The following RRAGC variants were observed in gnomAD, a reference collection of about 807,000 sequenced individuals.
RRAGC encodes the protein Ras related GTP binding C.
A neutral mutation model predicts 37.1 loss-of-function variants in RRAGC; 8 were observed. The ratio of observed to expected loss-of-function variants is 0.22; its 90% CI spans 0.13 to 0.39. RRAGC has a LOEUF of 0.39. Ranked by LOEUF, RRAGC falls within the 10% of genes least tolerant of loss-of-function variation. The pLI is 1.00. For synonymous variants in RRAGC, 190 were observed against 181.1 expected, an observed-to-expected ratio of 1.05 and a Z score of -0.39; for missense variants, 342 against 497.6, an observed-to-expected ratio of 0.69 and a Z score of 2.98.
At position 38,851,596 on chromosome 1, in the gene RRAGC, G is replaced by T. The variant is rs746683580; in HGVS notation, c.899+19C>A. ...TTTCCGCCTGTCTGAGATATTGCAG[G>T]AATATATACATAACTTACCCATATA... On this transcript the variant is annotated intron_variant, in intron 5 of 6. Coordinates refer to ENST00000373001, the MANE Select transcript of RRAGC (RefSeq NM_022157.4). 1 of 1,476,888 alleles carries T rather than the reference G, an allele frequency of 6.8e-7. No homozygotes were observed. Among genetic ancestry groups the T allele is most frequent in the South Asian group, 1.4e-5 (1 of 69,838 alleles). 91.5% of individuals were successfully genotyped at this position (1,476,888 alleles called of 1,614,324 possible). A position where few individuals can be genotyped will look rare whatever the true frequency, so the allele number is the denominator to read the frequency against.
chr1:38,850,008 C>A (rs1233371737), intron 5 of RRAGC, among the ~76,000 whole-genome samples: 1 of 145,880 alleles, frequency 6.9e-6, no homozygotes, highest in Non-Finnish European at 1.5e-5. Context: ...AGTTCGAGAC[C>A]AGCCTGGCCA....
intron 6 of RRAGC, among the ~76,000 whole-genome samples, chr1:38,842,291 TA>T (rs755374022): frequency 6.6e-6 from 1 of 151,308 alleles, no homozygotes; most frequent in South Asian, 2.1e-4. Context: ...AATAAACAAA[TA>T]AACTAACATA....
At chr1:38,853,121 G>A (rs923092883) in intron 3 of RRAGC, among the ~76,000 whole-genome samples, 4 of 152,198 alleles carry the variant, frequency 2.6e-5, no homozygotes, top group African/African-American at 9.6e-5. Flanking sequence ...CCTGAACAGT[G>A]CTCATAAGTA....
chr1:38,855,991 C>A, intron 2 of RRAGC, 84 bp from the exon 3 acceptor site: 3 of 864,684 alleles, frequency 3.5e-6, no homozygotes, highest in South Asian at 3.3e-5. Flanking sequence ...CCTCTTTCCC[C>A]AACCACAGAA....
chr1:38,839,798 T>C, intron 6 of RRAGC, 94 bp from the exon 7 acceptor site: 2 of 1,259,332 alleles, frequency 1.6e-6, no homozygotes, highest in South Asian at 1.4e-5. Flanking sequence ...GGATAAACAC[T>C]GGTTGGAAAT....
In RRAGC at chr1:38,843,333, A is replaced by AT. The variant is rs1329123952; in HGVS notation, c.1048+2605dup. On this transcript the variant is annotated intron_variant, in intron 6 of 6. Transcript: ENST00000373001. Reference sequence around the variant, plus strand: ...TTCTGTCTCTTAAAAAAAAAAAAAGATTTTAACTGTATTTGTCATTTTAGT... The same window carrying AT: ...TTCTGTCTCTTAAAAAAAAAAAAAGATTTTTAACTGTATTTGTCATTTTAGT... 2.0e-5 allele frequency among the ~76,000 whole-genome samples: 3 copies of AT among 151,934 alleles called. No individual in the cohort carries two copies. The South Asian group carries it at 6.2e-4, about 32-fold the overall frequency.
intron 2 of RRAGC, chr1:38,856,661 T>G (rs1642171131): frequency 2.3e-6 from 1 of 437,534 alleles, no homozygotes; most frequent in Non-Finnish European, 4.0e-6. Flanking sequence ...CAACTAGGAC[T>G]CAAGGATGTA....
chr1:38,849,666 C>T (rs148433548), intron 5 of RRAGC, among the ~76,000 whole-genome samples: 3,733 of 151,664 alleles, frequency 0.025, 161 homozygotes, highest in African/African-American at 0.085. Flanking sequence ...CCAGCCTGGG[C>T]GACAAGAGTG....
In RRAGC at chr1:38,839,649, C is replaced by T. The variant is rs368045628; in HGVS notation, c.1104G>A (p.Glu368=). 46 of 1,614,064 alleles carry T rather than the reference C, an allele frequency of 2.8e-5. No individual in the cohort carries two copies. The African/African-American group carries it at 5.2e-4, about 18-fold the overall frequency. The change falls in exon 7 of 7, where the codon GAG becomes GAA. Residue 368 remains glutamate, a synonymous_variant. Coordinates refer to ENST00000373001, the MANE Select transcript of RRAGC (RefSeq NM_022157.4). ...CFRKAIHEVF[E]VGVTSHRSCG... ...AGCTCCTGTGAGAAGTCACACCCACCTCAAAAACCTCATGAATAGCTTTTC... is the reference window on the plus strand; with the variant it reads ...AGCTCCTGTGAGAAGTCACACCCACTTCAAAAACCTCATGAATAGCTTTTC...
chr1:38,839,918 G>A lies in RRAGC; in HGVS notation c.1049-214C>T, dbSNP rs543037012. On this transcript the variant is annotated intron_variant, in intron 6 of 6. Transcript: ENST00000373001. ...CCCCAGCACTTTGGGAGGCCGAGGC[G>A]GGCAGATCACAAGGTCAGGAGATCA... is the stretch of plus-strand genomic sequence containing the variant. Among the ~76,000 whole-genome samples the A allele has an allele frequency of 3.9e-5, 6 of 152,050 alleles. No homozygotes were observed. The East Asian group carries it at 5.8e-4, about 15-fold the overall frequency.
At chr1:38,858,793 C>G (rs1191144528) in intron 1 of RRAGC, among the ~76,000 whole-genome samples, 2 of 152,232 alleles carry the variant, frequency 1.3e-5, no homozygotes, top group South Asian at 4.1e-4. Flanking sequence ...AAAATATTCT[C>G]AAAGTCTCAG....
At chr1:38,845,029 A>G (rs1412157598) in intron 6 of RRAGC, among the ~76,000 whole-genome samples, 1 of 152,226 alleles carries the variant, frequency 6.6e-6, no homozygotes, top group Admixed American at 6.5e-5. Flanking sequence ...TGTTGGTAGC[A>G]GTGTAAATTA....
rs1413346754 is a variant in RRAGC at position 38,859,682 on chromosome 1, C to G, written c.-36G>C. ...CCGCCGCCGCCCGCGCCCTGACAGG[C>G]CAGGCCAGGCCGAGCCAGGCCGCCG... On this transcript the variant is annotated 5_prime_UTR_variant, in exon 1 of 7. Coordinates refer to ENST00000373001, the MANE Select transcript of RRAGC (RefSeq NM_022157.4). The G allele has an allele frequency of 1.2e-4, 173 of 1,447,704 alleles. No homozygotes were observed. Among genetic ancestry groups the G allele is most frequent in the Non-Finnish European group, 1.5e-4 (169 of 1,098,934 alleles). The allele number at this position is 1,447,704 out of a possible 1,614,324, so 89.7% of individuals were successfully genotyped here.
At chr1:38,850,844 G>T (rs11588535) in intron 5 of RRAGC, among the ~76,000 whole-genome samples, 21 of 98,734 alleles carry the variant, frequency 2.1e-4, no homozygotes, top group Admixed American at 3.9e-4. Context: ...TTTTTTTGTT[G>T]TTTTTTTTTG....
chr1:38,853,579 C>T (rs1392911059), intron 3 of RRAGC, among the ~76,000 whole-genome samples: 1 of 152,038 alleles, frequency 6.6e-6, no homozygotes, highest in Non-Finnish European at 1.5e-5. Context: ...AACCCCATGT[C>T]TACTAAAAAT....
intron 1 of RRAGC, 95 bp from the exon 2 acceptor site, chr1:38,857,177 C>CA (rs993980782): frequency 3.0e-4 from 305 of 1,019,222 alleles, no homozygotes; most frequent in Non-Finnish European, 3.7e-4. Context: ...TTTGATCCCA[C>CA]AAAAAAAAAT....
intron 2 of RRAGC, 108 bp downstream of exon 2, chr1:38,856,771 C>T: frequency 9.6e-7 from 1 of 1,042,694 alleles, no homozygotes; most frequent in Non-Finnish European, 1.4e-6. Context: ...AGGGAATCTA[C>T]TGCCAAAGAG....
chr1:38,859,593 C>G lies in RRAGC; in HGVS notation c.54G>C (p.Ala18=), dbSNP rs1000593392. 8 of 1,568,078 alleles carry G rather than the reference C, an allele frequency of 5.1e-6. No homozygotes were observed. In the African/African-American group the frequency reaches 6.7e-5, roughly 13 times the overall value. Residue 18 remains alanine (A), a synonymous_variant, in exon 1 of 7, where the codon GCG becomes GCC. Coordinates refer to ENST00000373001, the MANE Select transcript of RRAGC (RefSeq NM_022157.4). ...EETPLAGSYG[A]ADSFPKDFGY... ...CGAAGTCCTTTGGAAACGAATCGGC[C>G]GCGCCGTAACTGCCGGCGAGGGGCG... is the stretch of plus-strand genomic sequence containing the variant.
intron 5 of RRAGC, chr1:38,848,179 C>T (rs1642050820): frequency 6.6e-6 from 1 of 152,084 alleles, no homozygotes; most frequent in South Asian, 2.1e-4. Flanking sequence ...TTTGGGACGG[C>T]AGAGTGGAGG....
Sources: gnomAD v4.1 joint callset for allele counts (sites outside exome capture counted in the v4.1 genomes callset) on GRCh38, gnomAD v4.1.1 for gene constraint, MANE v1.5 for transcripts, NCBI Gene and HGNC (gene_info 2026-07-23, HGNC 2026-07-21) for gene names.